The following RUNX1T1 variants were observed in gnomAD, a reference collection of about 807,000 sequenced individuals.
RUNX1T1 encodes protein CBFA2T1.
In RUNX1T1, 4 loss-of-function variants were observed where a neutral mutation model predicts 62.8. That is an observed-to-expected ratio of 0.06 (90% confidence interval 0.03 to 0.15). RUNX1T1 has a LOEUF of 0.15. Among genes scored for constraint, RUNX1T1 ranks in the 10% least tolerant of loss-of-function variants. RUNX1T1 has a pLI of 1.00. For synonymous variants in RUNX1T1, 291 were observed against 286.0 expected (o/e 1.02, Z -0.18); for missense variants, 508 against 754.3 (o/e 0.67, Z 3.82).
chr8:92,027,236 T>C (rs563884155), intron 1 of RUNX1T1, among the ~76,000 whole-genome samples: 6 of 152,320 alleles, frequency 3.9e-5, no homozygotes, highest in African/African-American at 1.4e-4. Flanking sequence ...TAAAATTTCG[T>C]TTCTCAGTCA....
chr8:91,983,096 T>C (rs1815767605), intron 8 of RUNX1T1, among the ~76,000 whole-genome samples: 8 of 147,662 alleles, frequency 5.4e-5, no homozygotes, highest in African/African-American at 1.2e-4. Flanking sequence ...CCTGGCTAAT[T>C]TTTTTTTTTT....
chr8:91,992,480 A>C (rs1192193727), intron 5 of RUNX1T1, among the ~76,000 whole-genome samples: 2 of 152,222 alleles, frequency 1.3e-5, no homozygotes, highest in Non-Finnish European at 2.9e-5. Context: ...CTCAACAGGT[A>C]CGCTTGGCCA....
intron 4 of RUNX1T1, among the ~76,000 whole-genome samples, chr8:92,008,384 TCTCTCACACACACACA>T (rs1821254433): frequency 1.4e-5 from 1 of 72,984 alleles, no homozygotes; most frequent in Non-Finnish European, 2.7e-5. Context: ...TCTCTCTCTC[TCTCTCACACACACACA>T]CACACACACA....
intron 1 of RUNX1T1, among the ~76,000 whole-genome samples, chr8:92,029,127 G>A (rs566516668): frequency 2.6e-5 from 4 of 152,240 alleles, no homozygotes; most frequent in African/African-American, 4.8e-5. Flanking sequence ...TGGCTAAATC[G>A]TAGACAAGCA....
At chr8:91,974,249 T>C (rs1017060076) in intron 9 of RUNX1T1, among the ~76,000 whole-genome samples, 2 of 152,128 alleles carry the variant, frequency 1.3e-5, no homozygotes, top group South Asian at 2.1e-4. Context: ...CTGCGTCCAA[T>C]TGCTTACCAC....
At chr8:92,005,533 C>T (rs569401503) in intron 4 of RUNX1T1, 1 of 483,648 alleles carries the variant, frequency 2.1e-6, no homozygotes, top group South Asian at 3.3e-5. Flanking sequence ...TCTTTTATTT[C>T]TTCACTGATA....
At chr8:92,015,772 A>G (rs1822868350) in intron 2 of RUNX1T1, among the ~76,000 whole-genome samples, 1 of 152,228 alleles carries the variant, frequency 6.6e-6, no homozygotes, top group Admixed American at 6.5e-5. Context: ...TTTAAAGACC[A>G]TGTTATGCTT....
intron 1 of RUNX1T1, among the ~76,000 whole-genome samples, chr8:92,078,675 T>G (rs1387987940): frequency 6.6e-6 from 1 of 152,194 alleles, no homozygotes; most frequent in African/African-American, 2.4e-5. Flanking sequence ...AAATCTGCGA[T>G]CCGTGCAGTA....
intron 3 of RUNX1T1, 146 bp downstream of exon 4, chr8:92,014,433 T>C (rs1028036385): frequency 2.6e-6 from 2 of 764,704 alleles, no homozygotes; most frequent in African/African-American, 3.5e-5. Flanking sequence ...AGACTGTCAC[T>C]ATAGCATGAA....
chr8:91,992,596 G>C (rs1817897675), intron 5 of RUNX1T1, among the ~76,000 whole-genome samples: 1 of 152,258 alleles, frequency 6.6e-6, no homozygotes, highest in South Asian at 2.1e-4. Context: ...GCAATGCAAT[G>C]TCTGGGACCC....
intron 1 of RUNX1T1, among the ~76,000 whole-genome samples, chr8:92,027,168 TA>T (rs1467537101): frequency 6.7e-6 from 1 of 149,084 alleles, no homozygotes; most frequent in Non-Finnish European, 1.5e-5. Context: ...CATCTTCCAA[TA>T]CAGTAGCCAC....
intron 5 of RUNX1T1, among the ~76,000 whole-genome samples, chr8:91,992,610 C>T (rs1248167507): frequency 1.3e-5 from 2 of 152,120 alleles, no homozygotes; most frequent in Non-Finnish European, 2.9e-5. Flanking sequence ...GGGACCCTGA[C>T]ATTATCTTGA....
intron 1 of RUNX1T1, among the ~76,000 whole-genome samples, chr8:92,024,640 G>T (rs1198191377): frequency 6.6e-6 from 1 of 151,428 alleles, no homozygotes; most frequent in African/African-American, 2.4e-5. Flanking sequence ...CATCTCTGTA[G>T]CATCTGACAC....
At position 91,960,524 on chromosome 8, in the gene RUNX1T1, G is replaced by A; in HGVS notation, c.1459-7C>T. 1.9e-6 allele frequency: 3 copies of A among 1,613,336 alleles called. No homozygotes were observed. Among genetic ancestry groups the A allele is most frequent in the South Asian group, 1.1e-5 (1 of 91,084 alleles). ...GGCCACAATTCCAGCAACTCTAAAG[G>A]AGAAGGCAGAAGAAAGCAAGATCCC... is the stretch of plus-strand genomic sequence containing the variant. On this transcript the variant is annotated splice_region_variant and splice_polypyrimidine_tract_variant and intron_variant, in intron 10 of 10. Coordinates refer to ENST00000396218, the Ensembl canonical transcript of RUNX1T1.
chr8:92,015,454 A>G (rs771465381), intron 2 of RUNX1T1, among the ~76,000 whole-genome samples: 1 of 152,212 alleles, frequency 6.6e-6, no homozygotes, highest in Non-Finnish European at 1.5e-5. Flanking sequence ...ACTTCAAGAA[A>G]TCAAAAAGGG....
chr8:91,984,653 T>G (rs1816160473), intron 8 of RUNX1T1, among the ~76,000 whole-genome samples: 1 of 152,196 alleles, frequency 6.6e-6, no homozygotes, highest in Admixed American at 6.5e-5. Context: ...ACTTTAAAGC[T>G]CTCAATTTTT....
At position 92,025,879 on chromosome 8, in the gene RUNX1T1, C is replaced by T. The variant is rs1263429698; in HGVS notation, c.8-8516G>A. 2.6e-5 allele frequency among the ~76,000 whole-genome samples: 4 copies of T among 152,008 alleles called. No individual in the cohort carries two copies. In the East Asian group the frequency reaches 7.7e-4, roughly 29 times the overall value. ...AATACTACTGGATTATTCAATTCAC[C>T]AGTTTTCTAACAACTCTCAGTAACC... On this transcript the variant is annotated intron_variant, in intron 1 of 10. Coordinates refer to ENST00000396218, the Ensembl canonical transcript of RUNX1T1.
intron 10 of RUNX1T1, among the ~76,000 whole-genome samples, chr8:91,962,582 A>G (rs1235254283): frequency 1.3e-5 from 2 of 152,250 alleles, no homozygotes; most frequent in Non-Finnish European, 2.9e-5. Flanking sequence ...TTGCATGTAC[A>G]ATGGTTCCAC....
chr8:92,003,194 T>C (rs1254162483), intron 5 of RUNX1T1: 3 of 340,706 alleles, frequency 8.8e-6, no homozygotes, highest in South Asian at 4.9e-5. Context: ...ACTGAATGCA[T>C]ACACTGATGC....
Sources: allele counts gnomAD v4.1 joint callset (sites outside exome capture counted in the v4.1 genomes callset), GRCh38; gene constraint gnomAD v4.1.1; transcripts MANE v1.5; gene names NCBI Gene and HGNC (gene_info 2026-07-23, HGNC 2026-07-21).